JAG2: variants seen among roughly 807,000 people sequenced by gnomAD.
The protein encoded by JAG2 is jagged canonical Notch ligand 2.
JAG2 carries 46 observed loss-of-function variants against 141.7 expected under a neutral mutation model. That is an observed-to-expected ratio of 0.32 (90% CI 0.26 to 0.42). JAG2 has a LOEUF of 0.42. JAG2 is among the 10% of genes least tolerant of loss of function. The probability of loss-of-function intolerance (pLI) is 1.00; values close to 1 mark genes in which losing one functional copy is unlikely to be tolerated. For missense variants in JAG2, 1,500 were observed against 1,817.5 expected (o/e 0.83, Z 3.18); for synonymous variants, 862 against 763.5 (o/e 1.13, Z -2.13).
At position 105,151,052 on chromosome 14, in the gene JAG2, G is replaced by A. The variant is rs754788554; in HGVS notation, c.1320C>T (p.Asn440=). ...KPCLNAFSCK[N]LIGGYYCDCI... ...AATCACAGTAATAGCCGCCAATCAG[G>A]TTTTTGCAAGAAAAAGCGTTAAGGC... Residue 440 remains asparagine (N), a synonymous_variant, in exon 10 of 26, where the codon AAC becomes AAT. Transcript: ENST00000331782. 3.1e-6 allele frequency: 5 copies of A among 1,613,296 alleles called. No individual in the cohort carries two copies. The highest frequency in any genetic ancestry group is 2.2e-5 in the East Asian group (1 of 44,894).
chr14:105,159,139 G>A lies in JAG2; in HGVS notation c.418-1376C>T, dbSNP rs968894315. On this transcript the variant is annotated intron_variant, in intron 2 of 25. Transcript: ENST00000331782. ...CTCCAGGACCCCCACCCAGTCCCCC[G>A]CCCCACACCTCCGACTGTCCCTCAA... Among the ~76,000 whole-genome samples, 32 of 124,232 alleles carry A rather than the reference G, an allele frequency of 2.6e-4. 1 individual carries two copies. The highest frequency in any genetic ancestry group is 5.8e-4 in the African/African-American group (19 of 32,964). 81.5% of individuals were successfully genotyped at this position (124,232 alleles called of 152,430 possible).
At position 105,142,583 on chromosome 14, in the gene JAG2, GGTTT is replaced by G; in HGVS notation, c.*108_*111del. On this transcript the variant is annotated 3_prime_UTR_variant, in exon 26 of 26. Transcript: ENST00000331782. ...TAAACATTTGGTTTTTGTTTTTGGT[GGTTT>G]TTTTACACAAAATAAAGAAACTATG... is the stretch of plus-strand genomic sequence containing the variant. The G allele has an allele frequency of 1.3e-6, 1 of 769,266 alleles. No homozygotes were observed. Among genetic ancestry groups the G allele is most frequent in the Non-Finnish European group, 2.1e-6 (1 of 483,412 alleles). The allele number at this position is 769,266 out of a possible 1,614,324, so 47.7% of individuals were successfully genotyped here.
intron 1 of JAG2, 66 bp from the exon 2 acceptor site, chr14:105,168,173 G>A (rs1888981670): frequency 2.9e-5 from 39 of 1,367,224 alleles, no homozygotes; most frequent in Non-Finnish European, 3.5e-5. Context: ...GGGCGCCAGG[G>A]GTGGGGGAAC....
At chr14:105,158,809 C>T (rs1225554503) in intron 2 of JAG2, among the ~76,000 whole-genome samples, 1 of 152,084 alleles carries the variant, frequency 6.6e-6, no homozygotes, top group Non-Finnish European at 1.5e-5. Flanking sequence ...GCTTCCCACC[C>T]CGGGGGGATG....
chr14:105,166,301 C>A lies in JAG2; in HGVS notation c.417+1456G>T, dbSNP rs757409109. Among the ~76,000 whole-genome samples the A allele has an allele frequency of 7.4e-4, 113 of 152,388 alleles. 1 individual carries two copies. The highest frequency in any genetic ancestry group is 3.3e-3 in the South Asian group (16 of 4,834). On this transcript the variant is annotated intron_variant, in intron 2 of 25. Coordinates refer to ENST00000331782, the MANE Select transcript of JAG2 (RefSeq NM_002226.5). ...CTCCCTGCCCCCACACCCACTGCTG[C>A]CAACTCGAGCAGAAAACACATCCTC...
At position 105,145,680 on chromosome 14, in the gene JAG2, C is replaced by G. The variant is rs750592525; in HGVS notation, c.2952+51G>C. ...GGCTAGGCTTTCGCCATGCCACGAG[C>G]AGATGCCGGCGTGTGGCCTCTGCAA... is the stretch of plus-strand genomic sequence containing the variant. On this transcript the variant is annotated intron_variant, in intron 23 of 25. Transcript: ENST00000331782. 29 of 1,557,088 alleles carry G rather than the reference C, an allele frequency of 1.9e-5. No individual in the cohort carries two copies. The African/African-American group carries it at 3.7e-4, about 20-fold the overall frequency.
intron 2 of JAG2, among the ~76,000 whole-genome samples, chr14:105,159,033 T>G (rs1595185373): frequency 1.3e-5 from 2 of 151,658 alleles, no homozygotes; most frequent in Non-Finnish European, 2.9e-5. Context: ...AGGCCTGGCC[T>G]CCCAAGATGT....
chr14:105,148,894 C>G (rs775120835), intron 14 of JAG2, 36 bp from the exon 15 acceptor site: 5 of 1,591,892 alleles, frequency 3.1e-6, no homozygotes, highest in Non-Finnish European at 4.3e-6. Context: ...GGGCCTCAGG[C>G]CAGCCCAGCC....
In JAG2 at chr14:105,168,427, C is replaced by G. The variant is rs1046329512; in HGVS notation, c.-7G>C. 7 of 876,858 alleles carry G rather than the reference C, an allele frequency of 8.0e-6. No individual in the cohort carries two copies. Among genetic ancestry groups the G allele is most frequent in the Non-Finnish European group, 9.5e-6 (7 of 733,192 alleles). The allele number at this position is 876,858 out of a possible 1,614,324, so 54.3% of individuals were successfully genotyped here. ...CCCGGCCCTGCGCCCGCATTGCCCC[C>G]GCGACCCGCCCGCCCGGCCCCGCCG... On this transcript the variant is annotated 5_prime_UTR_variant, in exon 1 of 26. Coordinates refer to ENST00000331782, the MANE Select transcript of JAG2 (RefSeq NM_002226.5).
intron 15 of JAG2, 35 bp downstream of exon 15, chr14:105,148,710 G>T: frequency 6.7e-7 from 1 of 1,499,816 alleles, no homozygotes; most frequent in Non-Finnish European, 9.0e-7. Flanking sequence ...AGGGGTGGAG[G>T]CACAGGCCGT....
chr14:105,162,754 C>T (rs1211114345), intron 2 of JAG2, among the ~76,000 whole-genome samples: 1 of 98,892 alleles, frequency 1.0e-5, no homozygotes, highest in Non-Finnish European at 2.1e-5. Flanking sequence ...CAGCCTTGTG[C>T]ACCCCATGGC....
At chr14:105,153,068 G>A (rs2140982070) in intron 5 of JAG2, among the ~76,000 whole-genome samples, 1 of 150,272 alleles carries the variant, frequency 6.7e-6, no homozygotes, top group Non-Finnish European at 1.5e-5. Flanking sequence ...GGCTCAGCAG[G>A]CTGCCATCCA....
chr14:105,155,662 C>G (rs1888558313), intron 4 of JAG2, 40 bp from the exon 5 acceptor site: 2 of 1,612,266 alleles, frequency 1.2e-6, no homozygotes, highest in African/African-American at 2.7e-5. Context: ...CTGCAGCCAG[C>G]CTGGCCGCAA....
At chr14:105,146,024 A>G (rs1888212547) in intron 22 of JAG2, 51 bp from the exon 23 acceptor site, 1 of 1,569,948 alleles carries the variant, frequency 6.4e-7, no homozygotes, top group East Asian at 2.3e-5. Flanking sequence ...GGAGGGTCAG[A>G]TGCAGGCACA....
In JAG2 at chr14:105,147,787, G is replaced by A. The variant is rs759715810; in HGVS notation, c.2350C>T (p.Arg784Cys). The A allele has an allele frequency of 2.6e-6, 4 of 1,547,334 alleles. No homozygotes were observed. The highest frequency in any genetic ancestry group is 2.1e-4 in the Middle Eastern group (1 of 4,826). Reference protein sequence around the residue: ...SCICRDGWEGRTCTHNTNDCN... With the variant: ...SCICRDGWEGCTCTHNTNDCN... ...CCACACTCACTGTGAGTGCAAGTACGACCCTCCCAGCCGTCCCGGCAGATG... is the reference window on the plus strand; with the variant it reads ...CCACACTCACTGTGAGTGCAAGTACAACCCTCCCAGCCGTCCCGGCAGATG... The change falls in exon 18 of 26, where the codon CGT becomes TGT. Residue 784 changes from arginine (R) to cysteine (C), a missense_variant. Physicochemically the swap from Arg to Cys is radical, Grantham distance 180. Coordinates refer to ENST00000331782, the MANE Select transcript of JAG2 (RefSeq NM_002226.5).
chr14:105,150,585 G>A lies in JAG2; in HGVS notation c.1602+19C>T, dbSNP rs761868110. On this transcript the variant is annotated intron_variant, in intron 12 of 25. Transcript: ENST00000331782. ...CTCCCAGAGCAGCAGGTGGGGCAGG[G>A]TGACCAGGCAGACCTCACCTCACAG... The A allele has an allele frequency of 4.0e-5, 62 of 1,543,258 alleles. No homozygotes were observed. Among genetic ancestry groups the A allele is most frequent in the South Asian group, 1.3e-4 (11 of 83,768 alleles).
rs756977476 is a variant in JAG2 at position 105,142,859 on chromosome 14, G to A, written c.3553C>T (p.Arg1185Cys). Residue 1185 changes from arginine to cysteine, a missense_variant, in exon 26 of 26, where the codon CGC (arginine) becomes TGC (cysteine). Physicochemically the swap from Arg to Cys is radical, Grantham distance 180. Coordinates refer to ENST00000331782, the MANE Select transcript of JAG2 (RefSeq NM_002226.5). ...GCCTCCAGGGAGTCCTCCTCACCGC[G>A]GCCCAGATCCTCGTCCTCCTCATCC... Reference protein sequence around the residue: ...REDEEDEDLGRGEEDSLEAEK... With the variant: ...REDEEDEDLGCGEEDSLEAEK... 102 of 1,608,080 alleles carry A rather than the reference G, an allele frequency of 6.3e-5. 1 individual carries two copies. In the South Asian group the frequency reaches 7.3e-4, roughly 12 times the overall value.
chr14:105,154,878 T>C lies in JAG2; in HGVS notation c.788+684A>G, dbSNP rs938418209. ...TCAGCAGCTTGGGGTTCTCCCTGAC[T>C]CCACACCCTTCCTGCTTGATCAAAT... is the stretch of plus-strand genomic sequence containing the variant. On this transcript the variant is annotated intron_variant, in intron 5 of 25. Transcript: ENST00000331782. This position sits in a 1 kb window ranked among gnomAD's most constrained non-coding sequence, Gnocchi z 4.4. Among the ~76,000 whole-genome samples the C allele has an allele frequency of 1.8e-4, 27 of 151,744 alleles. No individual in the cohort carries two copies. Among genetic ancestry groups the C allele is most frequent in the Non-Finnish European group, 8.8e-5 (6 of 67,936 alleles).
chr14:105,159,227 C>T (rs1888661353), intron 2 of JAG2, among the ~76,000 whole-genome samples: 1 of 152,018 alleles, frequency 6.6e-6, no homozygotes, highest in African/African-American at 2.4e-5. Flanking sequence ...CTGGGCAACC[C>T]CGGCCCCGCC....
Sources: allele counts gnomAD v4.1 joint callset (sites outside exome capture counted in the v4.1 genomes callset), GRCh38; gene constraint gnomAD v4.1.1; non-coding constraint Gnocchi (gnomAD v3.1); transcripts MANE v1.5; gene names NCBI Gene and HGNC (gene_info 2026-07-23, HGNC 2026-07-21).